The following KCNQ1 variants were observed in gnomAD, a reference collection of about 807,000 sequenced individuals.
KCNQ1 encodes potassium voltage-gated channel subfamily KQT member 1.
In KCNQ1, 49 loss-of-function variants were observed where a neutral mutation model predicts 72.4. That is an observed-to-expected ratio of 0.68 (90% CI 0.54 to 0.86). The LOEUF is 0.86. Among genes scored for constraint, KCNQ1 ranks in the 40% least tolerant of loss-of-function variants. KCNQ1 has a pLI of 0.00. For synonymous variants in KCNQ1, 450 were observed against 412.6 expected, an observed-to-expected ratio of 1.09 and a Z score of -1.10; for missense variants, 790 against 945.1, an observed-to-expected ratio of 0.84 and a Z score of 2.15.
intron 11 of KCNQ1, chr11:2,686,307 T>A (rs897906630): frequency 7.5e-6 from 3 of 398,548 alleles, no homozygotes; most frequent in African/African-American, 6.2e-5. Flanking sequence ...CAGACCACAC[T>A]AGTGTCACCT....
chr11:2,552,383 G>A lies in KCNQ1; in HGVS notation c.478-18245G>A, dbSNP rs192252637. On this transcript the variant is annotated intron_variant, in intron 2 of 15. Coordinates refer to ENST00000155840, the MANE Select transcript of KCNQ1 (RefSeq NM_000218.3). ...ACTTTGGCACCTTTGATGAAAATCA[G>A]TTGGCCGTGTGTGTGGGTTCGATTT... Among the ~76,000 whole-genome samples the A allele has an allele frequency of 2.6e-5, 4 of 152,310 alleles. No individual in the cohort carries two copies. The East Asian group carries it at 7.7e-4, about 29-fold the overall frequency.
At chr11:2,733,334 C>CCA (rs1178444854) in intron 11 of KCNQ1, among the ~76,000 whole-genome samples, 1 of 151,944 alleles carries the variant, frequency 6.6e-6, no homozygotes, top group African/African-American at 2.4e-5. Context: ...CAGGGGCTCC[C>CCA]CACACTCGCC....
chr11:2,606,436 C>T (rs895126569), intron 10 of KCNQ1, among the ~76,000 whole-genome samples: 6 of 152,044 alleles, frequency 3.9e-5, no homozygotes, highest in Non-Finnish European at 5.9e-5. Context: ...TGGTAATGAG[C>T]GAATTCTTAC....
At chr11:2,449,295 G>A (rs1225858786) in intron 1 of KCNQ1, among the ~76,000 whole-genome samples, 2 of 152,232 alleles carry the variant, frequency 1.3e-5, no homozygotes, top group Admixed American at 6.5e-5. Flanking sequence ...ACAACCCTGG[G>A]GTACTGGGGG....
At chr11:2,811,696 C>A (rs1220629298) in intron 15 of KCNQ1, among the ~76,000 whole-genome samples, 4 of 152,216 alleles carry the variant, frequency 2.6e-5, no homozygotes, top group African/African-American at 9.6e-5. Context: ...GGTCAGCAGA[C>A]CCCTGGCTGG....
chr11:2,588,653 G>A lies in KCNQ1; in HGVS notation c.1252-60G>A, dbSNP rs59161111. 16,450 of 1,603,696 alleles carry A rather than the reference G, an allele frequency of 0.01. 1,308 individuals carry two copies. In the African/African-American group the frequency reaches 0.18, roughly 18 times the overall value. On this transcript the variant is annotated intron_variant, in intron 9 of 15. Coordinates refer to ENST00000155840, the MANE Select transcript of KCNQ1 (RefSeq NM_000218.3). The surrounding 1 kb of genome is among the most constrained non-coding windows in gnomAD (Gnocchi z 5.6). ...GCGGCTGCACAGGCACTCTGGGGCC[G>A]GCGTAGGGCCTGGCAGACGATGTCC...
Position 2,598,141 on chromosome 11 carries a change from AT to A in KCNQ1, c.1393+9290del, listed in dbSNP as rs1206796342. On this transcript the variant is annotated intron_variant, in intron 10 of 15. Coordinates refer to ENST00000155840, the MANE Select transcript of KCNQ1 (RefSeq NM_000218.3). The surrounding 1 kb of genome is among the most constrained non-coding windows in gnomAD (Gnocchi z 6.2). ...TTTACTTAAGAGTCATAGTTCATTT[AT>A]TTGAAGTTCTTCTACTAAAGGCATT... Among the ~76,000 whole-genome samples, 1 of 152,002 alleles carries A rather than the reference AT, an allele frequency of 6.6e-6. No homozygotes were observed. The highest frequency in any genetic ancestry group is 1.5e-5 in the Non-Finnish European group (1 of 67,976).
At position 2,734,197 on chromosome 11, in the gene KCNQ1, G is replaced by A. The variant is rs1388131992; in HGVS notation, c.1515-34647G>A. ...CATGGTGGACGTCCAAAGAATAAAC[G>A]AATGAACCATCCAAAGCACAGGCCA... On this transcript the variant is annotated intron_variant, in intron 11 of 15. Coordinates refer to ENST00000155840, the MANE Select transcript of KCNQ1 (RefSeq NM_000218.3). The surrounding 1 kb of genome is among the most constrained non-coding windows in gnomAD (Gnocchi z 7.0). Among the ~76,000 whole-genome samples the A allele has an allele frequency of 3.3e-5, 5 of 152,190 alleles. No homozygotes were observed. Among genetic ancestry groups the A allele is most frequent in the African/African-American group, 1.2e-4 (5 of 41,440 alleles).
intron 15 of KCNQ1, among the ~76,000 whole-genome samples, chr11:2,819,188 A>G (rs1847681854): frequency 6.6e-6 from 1 of 152,244 alleles, no homozygotes. Flanking sequence ...CCAGACAGCC[A>G]AAGTCCCTCC....
intron 1 of KCNQ1, among the ~76,000 whole-genome samples, chr11:2,476,201 A>G (rs1384049061): frequency 6.6e-6 from 1 of 152,234 alleles, no homozygotes; most frequent in East Asian, 1.9e-4. Context: ...AACATTGATC[A>G]TATACTAGAC....
Position 2,682,291 on chromosome 11 carries a change from A to G in KCNQ1, c.1514+20210A>G, listed in dbSNP as rs943141733. On this transcript the variant is annotated intron_variant, in intron 11 of 15. Transcript: ENST00000155840. The surrounding 1 kb of genome is among the most constrained non-coding windows in gnomAD (Gnocchi z 5.8). ...GCTTAAGACTGGGCTGTAAAAAATC[A>G]CATACCTCCCCTCCCATTCTTAATG... The G allele has an allele frequency of 1.0e-5, 4 of 398,454 alleles. No individual in the cohort carries two copies. Among genetic ancestry groups the G allele is most frequent in the Non-Finnish European group, 1.8e-5 (4 of 226,080 alleles). 24.7% of individuals were successfully genotyped at this position (398,454 alleles called of 1,614,324 possible).
Position 2,542,837 on chromosome 11 carries a change from T to C in KCNQ1, c.477+14819T>C, listed in dbSNP as rs929238693. ...ACGCATTGCAGTCTGTTTATCCACT[T>C]GTGTGCTGGCGGACTCTGTATAAAA... On this transcript the variant is annotated intron_variant, in intron 2 of 15. Coordinates refer to ENST00000155840, the MANE Select transcript of KCNQ1 (RefSeq NM_000218.3). 3.0e-4 allele frequency among the ~76,000 whole-genome samples: 46 copies of C among 152,368 alleles called. 1 individual carries two copies. The highest frequency in any genetic ancestry group is 1.3e-4 in the Non-Finnish European group (9 of 68,040).
intron 1 of KCNQ1, among the ~76,000 whole-genome samples, chr11:2,527,428 G>A (rs1017570128): frequency 2.6e-5 from 4 of 152,212 alleles, no homozygotes; most frequent in Non-Finnish European, 2.9e-5. Context: ...TTGTAGAGAC[G>A]TAATTACACA....
rs994460204 is a variant in KCNQ1, at chr11:2,669,953, G to C, written c.1514+7872G>C. On this transcript the variant is annotated intron_variant, in intron 11 of 15. Transcript: ENST00000155840. The surrounding 1 kb of genome is among the most constrained non-coding windows in gnomAD (Gnocchi z 5.6). ...AGTCTGGAGTCAGGTGGAGGGAAGG[G>C]AAGTCTAGAGGTCCCCAAGTCACAA... The C allele has an allele frequency of 7.3e-5, 29 of 398,608 alleles. No individual in the cohort carries two copies. Among genetic ancestry groups the C allele is most frequent in the African/African-American group, 1.2e-4 (6 of 48,620 alleles). 24.7% of individuals were successfully genotyped at this position (398,608 alleles called of 1,614,324 possible).
At position 2,704,750 on chromosome 11, in the gene KCNQ1, G is replaced by A. The variant is rs1016638898; in HGVS notation, c.1514+42669G>A. Among the ~76,000 whole-genome samples the A allele has an allele frequency of 3.3e-5, 5 of 152,206 alleles. No individual in the cohort carries two copies. The highest frequency in any genetic ancestry group is 3.9e-4 in the East Asian group (2 of 5,174). Reference sequence around the variant, plus strand: ...AGTGCCAGGCTGGGCTCCCTCAGGCGGCAACTTTGTCTAGACTTCTGGCTG... The same window carrying A: ...AGTGCCAGGCTGGGCTCCCTCAGGCAGCAACTTTGTCTAGACTTCTGGCTG... On this transcript the variant is annotated intron_variant, in intron 11 of 15. Coordinates refer to ENST00000155840, the MANE Select transcript of KCNQ1 (RefSeq NM_000218.3). The surrounding 1 kb of genome is among the most constrained non-coding windows in gnomAD (Gnocchi z 4.3).
intron 1 of KCNQ1, among the ~76,000 whole-genome samples, chr11:2,518,057 G>T (rs990487653): frequency 2.8e-4 from 43 of 152,244 alleles, no homozygotes; most frequent in Admixed American, 2.7e-3. Flanking sequence ...GAGCTTGAGG[G>T]TTTACCCTAA....
rs1367921192 is a variant in KCNQ1, at chr11:2,493,300, T to C, written c.387-34628T>C. On this transcript the variant is annotated intron_variant, in intron 1 of 15. Coordinates refer to ENST00000155840, the MANE Select transcript of KCNQ1 (RefSeq NM_000218.3). This position sits in a 1 kb window ranked among gnomAD's most constrained non-coding sequence, Gnocchi z 5.3. ...AAATATTTTCTCCCATTCTGTAGGT[T>C]GCCTATTCACTCTGATGCTAGCTTC... Among the ~76,000 whole-genome samples the C allele has an allele frequency of 6.6e-6, 1 of 152,224 alleles. No homozygotes were observed. Among genetic ancestry groups the C allele is most frequent in the Non-Finnish European group, 1.5e-5 (1 of 68,038 alleles).
rs927532982 is a variant in KCNQ1, at chr11:2,768,955, G to A, written c.1590+36G>A. 4.6e-6 allele frequency: 7 copies of A among 1,520,908 alleles called. No individual in the cohort carries two copies. The highest frequency in any genetic ancestry group is 2.3e-5 in the East Asian group (1 of 44,418). 94.2% of individuals were successfully genotyped at this position (1,520,908 alleles called of 1,614,324 possible). The stretch of plus-strand genomic sequence containing the variant: ...TGCTGAGCCTTCCTGCCCTCAGCCT[G>A]CCCCTCGCAGCCTGATGCAGCTGCC... On this transcript the variant is annotated intron_variant, in intron 12 of 15. Transcript: ENST00000155840. This position sits in a 1 kb window ranked among gnomAD's most constrained non-coding sequence, Gnocchi z 6.7.
Position 2,623,337 on chromosome 11 carries a change from T to C in KCNQ1, c.1393+34483T>C. On this transcript the variant is annotated intron_variant, in intron 10 of 15. Transcript: ENST00000155840. This position sits in a 1 kb window ranked among gnomAD's most constrained non-coding sequence, Gnocchi z 5.2. ...GAGAACGGACTAATATGCATGTATC[T>C]ACCATTATAGTATCATACAGATACG... 1 of 398,686 alleles carries C rather than the reference T, an allele frequency of 2.5e-6. No homozygotes were observed. The highest frequency in any genetic ancestry group is 4.4e-6 in the Non-Finnish European group (1 of 226,052). The allele number at this position is 398,686 out of a possible 1,614,324, so 24.7% of individuals were successfully genotyped here.
Sources: gnomAD v4.1 joint callset for allele counts (sites outside exome capture counted in the v4.1 genomes callset) on GRCh38, gnomAD v4.1.1 for gene constraint, Gnocchi (gnomAD v3.1) non-coding constraint, MANE v1.5 for transcripts, NCBI Gene and HGNC (gene_info 2026-07-23, HGNC 2026-07-21) for gene names.